Variants in RPS6KC1 observed in about 807,000 individuals in gnomAD.
RPS6KC1 encodes ribosomal protein S6 kinase C1.
Under a neutral mutation model 103.8 loss-of-function variants are expected in RPS6KC1, and 54 were observed. The observed-to-expected ratio is 0.52, with a 90% CI of 0.42 to 0.65. The LOEUF is 0.65. RPS6KC1 is among the 30% of genes least tolerant of loss of function. RPS6KC1 has a pLI of 0.00. For synonymous variants in RPS6KC1, 439 were observed against 438.7 expected (o/e 1.00, Z -0.01); for missense variants, 1,151 against 1,253.8 (o/e 0.92, Z 1.24).
chr1:213,439,514 GT>G, the RPS6KC1 span, among the ~76,000 whole-genome samples: 10 of 152,168 alleles, frequency 6.6e-5, no homozygotes, highest in Non-Finnish European at 1.0e-4. Flanking sequence ...TTGTGGTTGG[GT>G]TTTGTGGAAA....
the RPS6KC1 span, among the ~76,000 whole-genome samples, chr1:213,498,555 C>T: frequency 2.7e-5 from 4 of 149,288 alleles, no homozygotes; most frequent in African/African-American, 7.4e-5. Flanking sequence ...CCCAGATTCA[C>T]GCCATTCTCA....
the RPS6KC1 span, among the ~76,000 whole-genome samples, chr1:213,776,555 T>C: frequency 1.3e-5 from 2 of 152,238 alleles, no homozygotes; most frequent in South Asian, 2.1e-4. Flanking sequence ...ACAAATGTGC[T>C]ATTATCCACG....
At chr1:213,171,356 T>C (rs541289146) in intron 7 of RPS6KC1, among the ~76,000 whole-genome samples, 64 of 152,144 alleles carry the variant, frequency 4.2e-4, no homozygotes, top group African/African-American at 1.5e-3. Context: ...TTCTTTCTTT[T>C]TTTTTTTTCA....
At chr1:213,481,228 T>A in the RPS6KC1 span, among the ~76,000 whole-genome samples, 2 of 152,236 alleles carry the variant, frequency 1.3e-5, no homozygotes, top group East Asian at 3.8e-4. Context: ...CTAGTTTATG[T>A]GATGTCAGTT....
chr1:213,393,854 T>G, the RPS6KC1 span, among the ~76,000 whole-genome samples: 1 of 152,060 alleles, frequency 6.6e-6, no homozygotes, highest in African/African-American at 2.4e-5. Flanking sequence ...AAGAGAAGCT[T>G]GCTTAATAAA....
the RPS6KC1 span, among the ~76,000 whole-genome samples, chr1:213,476,619 T>G: frequency 0.05 from 7,575 of 152,066 alleles, 610 homozygotes; most frequent in African/African-American, 0.17. Flanking sequence ...CTTACAATGG[T>G]GAACAAGCCC....
At chr1:213,708,081 G>A in the RPS6KC1 span, among the ~76,000 whole-genome samples, 1 of 152,190 alleles carries the variant, frequency 6.6e-6, no homozygotes. Flanking sequence ...TGTGAAGAAA[G>A]TCAATGGTAG....
the RPS6KC1 span, among the ~76,000 whole-genome samples, chr1:213,597,812 C>A: frequency 0.012 from 1,751 of 152,222 alleles, 39 homozygotes; most frequent in African/African-American, 0.039. Context: ...GAAAGATACT[C>A]ATAGAACAAT....
chr1:213,489,358 G>A, the RPS6KC1 span, among the ~76,000 whole-genome samples: 1 of 152,178 alleles, frequency 6.6e-6, no homozygotes, highest in South Asian at 2.1e-4. Context: ...CCAGTAGGAG[G>A]GAGTATCCAA....
chr1:213,700,803 T>C, the RPS6KC1 span, among the ~76,000 whole-genome samples: 13 of 152,066 alleles, frequency 8.5e-5, no homozygotes, highest in Non-Finnish European at 1.5e-4. Flanking sequence ...ATGTATTTAA[T>C]CTTATTTGTG....
chr1:213,089,244 G>T (rs1356154838), intron 3 of RPS6KC1, among the ~76,000 whole-genome samples: 1 of 152,188 alleles, frequency 6.6e-6, no homozygotes, highest in Non-Finnish European at 1.5e-5. Flanking sequence ...GGGAGTTCAT[G>T]AACTCTTACC....
chr1:213,853,347 C>T, the RPS6KC1 span, among the ~76,000 whole-genome samples: 1 of 152,178 alleles, frequency 6.6e-6, no homozygotes, highest in African/African-American at 2.4e-5. Flanking sequence ...GGACCATGAG[C>T]GCCTGAGGAA....
chr1:213,145,113 A>G (rs1344810856), intron 6 of RPS6KC1, among the ~76,000 whole-genome samples: 2 of 152,168 alleles, frequency 1.3e-5, no homozygotes, highest in African/African-American at 4.8e-5. Flanking sequence ...GATAGGTAAC[A>G]GTCTTTCCTG....
the RPS6KC1 span, among the ~76,000 whole-genome samples, chr1:213,626,374 G>C: frequency 1.3e-5 from 2 of 152,132 alleles, no homozygotes; most frequent in Non-Finnish European, 2.9e-5. Context: ...CATTCTGTAG[G>C]TTGCCTGTTC....
At chr1:213,837,449 A>C in the RPS6KC1 span, among the ~76,000 whole-genome samples, 1 of 152,310 alleles carries the variant, frequency 6.6e-6, no homozygotes, top group South Asian at 2.1e-4. Context: ...AAACATGATT[A>C]ATAATTTCTT....
the RPS6KC1 span, among the ~76,000 whole-genome samples, chr1:213,760,847 A>C: frequency 3.0e-4 from 39 of 130,544 alleles, no homozygotes; most frequent in Non-Finnish European, 5.8e-4. Flanking sequence ...GTGTGAGTCT[A>C]CTTTTTTTTT....
At chr1:213,363,699 TTTC>T in the RPS6KC1 span, among the ~76,000 whole-genome samples, 523 of 96,474 alleles carry the variant, frequency 5.4e-3, 64 homozygotes, top group African/African-American at 1.0e-2. Context: ...TCTTTCTTTC[TTTC>T]CTTCTTTCTT....
At chr1:213,765,828 TA>T in the RPS6KC1 span, among the ~76,000 whole-genome samples, 6 of 152,304 alleles carry the variant, frequency 3.9e-5, 1 homozygote, top group Non-Finnish European at 5.9e-5. Flanking sequence ...AGAAACACTA[TA>T]AAAAAATTTT....
At chr1:213,152,171 C>T (rs559221222) in intron 6 of RPS6KC1, among the ~76,000 whole-genome samples, 16 of 129,582 alleles carry the variant, frequency 1.2e-4, no homozygotes, top group South Asian at 2.6e-4. Flanking sequence ...GGCAGCTGGC[C>T]GGGCGGGGGG....
Sources: gnomAD v4.1 joint callset for allele counts (sites outside exome capture counted in the v4.1 genomes callset) on GRCh38, gnomAD v4.1.1 for gene constraint, MANE v1.5 for transcripts, NCBI Gene and HGNC (gene_info 2026-07-23, HGNC 2026-07-21) for gene names.